Variants in ITPA observed in about 807,000 individuals in gnomAD.
ITPA encodes inosine triphosphate pyrophosphatase.
A neutral mutation model predicts 29.6 loss-of-function variants in ITPA; 29 were observed. The observed-to-expected ratio is 0.98, with a 90% confidence interval of 0.73 to 1.34. The LOEUF (loss-of-function observed/expected upper bound fraction) is 1.34. ITPA is among the 40% of genes most tolerant of loss of function. The probability of loss-of-function intolerance (pLI) is 0.00; values close to 1 mark genes in which losing one functional copy is unlikely to be tolerated. For synonymous variants in ITPA, 103 were observed against 99.3 expected (o/e 1.04, Z -0.22); for missense variants, 241 against 251.5 (o/e 0.96, Z 0.28).
At chr20:3,214,880 GTATT>G (rs1476023078) in intron 4 of ITPA, among the ~76,000 whole-genome samples, 2 of 150,558 alleles carry the variant, frequency 1.3e-5, no homozygotes, top group African/African-American at 4.9e-5. Flanking sequence ...CGCCCGGCCT[GTATT>G]TATTTATTTT....
intron 4 of ITPA, among the ~76,000 whole-genome samples, chr20:3,214,454 C>T (rs1206916521): frequency 6.6e-6 from 1 of 150,936 alleles, no homozygotes; most frequent in Non-Finnish European, 1.5e-5. Flanking sequence ...GCAGTCTCCA[C>T]CTGCCAGGCT....
rs998375345 is a variant in ITPA at position 3,221,721 on chromosome 20, A to G, written c.412-120A>G. On this transcript the variant is annotated intron_variant, in intron 6 of 7. Transcript: ENST00000380113. ...GGTGCTGTAGGGGCCTTGCAACTACATTTTGCGTAAGTTGGGTCAAATCAA... is the reference window on the plus strand; with the variant it reads ...GGTGCTGTAGGGGCCTTGCAACTACGTTTTGCGTAAGTTGGGTCAAATCAA... 1.4e-5 allele frequency: 13 copies of G among 898,620 alleles called. No homozygotes were observed. The Admixed American group carries it at 2.0e-4, about 14-fold the overall frequency. The allele number at this position is 898,620 out of a possible 1,614,324, so 55.7% of individuals were successfully genotyped here. A position where few individuals can be genotyped will look rare whatever the true frequency, so the allele number is the denominator to read the frequency against.
chr20:3,223,935 G>A (rs2122468097), downstream of ITPA: 2 of 213,556 alleles, frequency 9.4e-6, no homozygotes, highest in Admixed American at 1.1e-4. Context: ...GGTGGGGATG[G>A]GGACACGGGC....
chr20:3,221,922 G>A lies in ITPA; in HGVS notation c.488+5G>A. On this transcript the variant is annotated splice_donor_5th_base_variant and intron_variant, in intron 7 of 7. Coordinates refer to ENST00000380113, the MANE Select transcript of ITPA (RefSeq NM_033453.4). ...GCCTGATGGATATGAGCAGACGTAAGGAGCCCTGCTTTTCTTCCCTGGGGT... is the reference window on the plus strand; with the variant it reads ...GCCTGATGGATATGAGCAGACGTAAAGAGCCCTGCTTTTCTTCCCTGGGGT... The A allele has an allele frequency of 6.2e-7, 1 of 1,613,532 alleles. No individual in the cohort carries two copies. The highest frequency in any genetic ancestry group is 8.5e-7 in the Non-Finnish European group (1 of 1,179,866).
At chr20:3,218,670 G>A (rs2122397403) in intron 6 of ITPA, 38 bp downstream of exon 6, 1 of 1,509,834 alleles carries the variant, frequency 6.6e-7, no homozygotes, top group South Asian at 1.1e-5. Context: ...GCCGCGCGCC[G>A]CCAGGGGGTG....
intron 6 of ITPA, among the ~76,000 whole-genome samples, chr20:3,220,862 A>G (rs1347164020): frequency 6.6e-6 from 1 of 151,386 alleles, no homozygotes; most frequent in East Asian, 1.9e-4. Flanking sequence ...GGTCCCTTGT[A>G]TTTTTTTCAG....
At chr20:3,226,247 C>G (rs774042001), downstream of ITPA, among the ~76,000 whole-genome samples, 9 of 152,132 alleles carry the variant, frequency 5.9e-5, no homozygotes, top group Non-Finnish European at 1.2e-4. The surrounding 1 kb of genome is among the most constrained non-coding windows in gnomAD (Gnocchi z 4.4). Context: ...TGGCAGGCAG[C>G]AGTTAGGTTG....
chr20:3,213,664 CCA>C (rs758467516), intron 3 of ITPA, among the ~76,000 whole-genome samples: 2 of 152,162 alleles, frequency 1.3e-5, no homozygotes, highest in Non-Finnish European at 2.9e-5. Flanking sequence ...TACATCCTCC[CCA>C]CACACATCCA....
intron 1 of ITPA, among the ~76,000 whole-genome samples, chr20:3,211,926 T>C (rs1226998979): frequency 6.6e-6 from 1 of 152,200 alleles, no homozygotes; most frequent in Admixed American, 6.5e-5. Context: ...TTCATACCTG[T>C]AATCCCAGCA....
At chr20:3,204,731 CG>C, upstream of ITPA, 1 of 1,139,772 alleles carries the variant, frequency 8.8e-7, no homozygotes, top group Non-Finnish European at 1.2e-6. Flanking sequence ...CTCGGAGCCC[CG>C]CCCAGCGGCA....
chr20:3,223,098 T>G (rs1168325826), intron 7 of ITPA, among the ~76,000 whole-genome samples: 2 of 152,212 alleles, frequency 1.3e-5, no homozygotes, highest in Non-Finnish European at 2.9e-5. Context: ...TCCCCCCCTG[T>G]CCCCAGCTTC....
intron 5 of ITPA, among the ~76,000 whole-genome samples, chr20:3,216,938 T>C (rs147472784): frequency 0.12 from 17,765 of 151,740 alleles, 1,305 homozygotes; most frequent in Non-Finnish European, 0.16. Flanking sequence ...TAGAGTGCAG[T>C]GGTGTGATCT....
At chr20:3,224,444 C>G (rs371737650), downstream of ITPA, among the ~76,000 whole-genome samples, 7 of 152,204 alleles carry the variant, frequency 4.6e-5, no homozygotes, top group South Asian at 1.4e-3. Context: ...GGGGCACCCC[C>G]AGGCTTGCTT....
intron 7 of ITPA, 72 bp from the exon 8 acceptor site, chr20:3,223,294 G>T: frequency 9.1e-7 from 1 of 1,100,952 alleles, no homozygotes; most frequent in South Asian, 1.3e-5. Context: ...GGGATGAGAT[G>T]AGGTAGGGTT....
Position 3,209,526 on chromosome 20 carries a change from G to T in ITPA, c.-26G>T. On this transcript the variant is annotated 5_prime_UTR_variant, in exon 1 of 8. Transcript: ENST00000380113. The surrounding 1 kb of genome is among the most constrained non-coding windows in gnomAD (Gnocchi z 4.6). ...ACTGGACGCCAAGGAGTTTTCGGTG[G>T]CTCAGCTGGGTAACCGGGGATCACC... 1.2e-6 allele frequency: 2 copies of T among 1,611,528 alleles called. No homozygotes were observed. The highest frequency in any genetic ancestry group is 1.7e-5 in the Admixed American group (1 of 59,990).
intron 5 of ITPA, among the ~76,000 whole-genome samples, chr20:3,216,738 C>T (rs991010137): frequency 2.0e-5 from 3 of 152,096 alleles, no homozygotes; most frequent in Non-Finnish European, 2.9e-5. Context: ...AGGCGTGATC[C>T]ACTGAGCCCG....
intron 1 of ITPA, among the ~76,000 whole-genome samples, chr20:3,212,212 C>T (rs1432494941): frequency 6.6e-6 from 1 of 151,922 alleles, no homozygotes; most frequent in Non-Finnish European, 1.5e-5. Context: ...AGGAAGTCAA[C>T]TAAAGTGAAG....
At chr20:3,208,378 A>T (rs2067100411), upstream of ITPA, among the ~76,000 whole-genome samples, 1 of 151,718 alleles carries the variant, frequency 6.6e-6, no homozygotes. Context: ...GTTCCCACAC[A>T]TTTTTTTTCT....
chr20:3,206,400 A>G (rs2067070672), upstream of ITPA, among the ~76,000 whole-genome samples: 1 of 149,702 alleles, frequency 6.7e-6, no homozygotes, highest in Non-Finnish European at 1.5e-5. Context: ...AAAAAAAAAA[A>G]AAAAAAAAAA....
Sources: allele counts gnomAD v4.1 joint callset (sites outside exome capture counted in the v4.1 genomes callset), GRCh38; gene constraint gnomAD v4.1.1; non-coding constraint Gnocchi (gnomAD v3.1); transcripts MANE v1.5; gene names NCBI Gene and HGNC (gene_info 2026-07-23, HGNC 2026-07-21).